The following DLGAP2 variants were observed in gnomAD, a reference collection of about 807,000 sequenced individuals.
The protein encoded by DLGAP2 is disks large-associated protein 2.
DLGAP2 carries 26 observed loss-of-function variants against 100.3 expected under a neutral mutation model. The observed-to-expected ratio is 0.26, with a 90% CI of 0.19 to 0.36. DLGAP2 has a LOEUF of 0.36. Among genes scored for constraint, DLGAP2 ranks in the 10% least tolerant of loss-of-function variants. The pLI is 1.00. For synonymous variants in DLGAP2, 886 were observed against 630.1 expected (o/e 1.41, Z -6.08); for missense variants, 1,858 against 1,453.2 (o/e 1.28, Z -4.53).
chr8:1,344,107 CCATGTATTCGGGGCCCTGTCG>C (rs1801486224), intron 3 of DLGAP2, among the ~76,000 whole-genome samples: 6 of 149,516 alleles, frequency 4.0e-5, no homozygotes, highest in Non-Finnish European at 5.9e-5. Flanking sequence ...TGTCGTGGGT[CCATGTATTCGGGGCCCTGTCG>C]TGGGTCCGTG....
At chr8:988,929 C>T (rs1235752137) in intron 2 of DLGAP2, among the ~76,000 whole-genome samples, 1 of 152,206 alleles carries the variant, frequency 6.6e-6, no homozygotes, top group African/African-American at 2.4e-5. Flanking sequence ...GCAGGTGCCT[C>T]TCCACATGCT....
At chr8:1,129,242 A>G (rs998073306) in intron 2 of DLGAP2, among the ~76,000 whole-genome samples, 3 of 151,994 alleles carry the variant, frequency 2.0e-5, no homozygotes, top group African/African-American at 7.3e-5. Flanking sequence ...CGTCTCTAGT[A>G]AATATAAAAA....
intron 3 of DLGAP2, among the ~76,000 whole-genome samples, chr8:1,310,995 C>T (rs1388332370): frequency 1.3e-5 from 2 of 151,602 alleles, no homozygotes; most frequent in African/African-American, 4.8e-5. Flanking sequence ...AAACTGAAGT[C>T]AGTTGATTGA....
At chr8:1,113,971 T>G (rs763425777) in intron 2 of DLGAP2, among the ~76,000 whole-genome samples, 7 of 152,190 alleles carry the variant, frequency 4.6e-5, no homozygotes, top group Non-Finnish European at 5.9e-5. Context: ...GTTTTTGTCT[T>G]TAGTTCTGTT....
At chr8:1,137,518 G>A (rs1459797263) in intron 2 of DLGAP2, 1 of 152,210 alleles carries the variant, frequency 6.6e-6, no homozygotes, top group African/African-American at 2.4e-5. Flanking sequence ...TCTATGCATT[G>A]GAGCGAAAAT....
chr8:1,312,121 C>G (rs1013339227), intron 3 of DLGAP2, among the ~76,000 whole-genome samples: 2 of 152,214 alleles, frequency 1.3e-5, no homozygotes, highest in African/African-American at 4.8e-5. Flanking sequence ...CAAGCTCGCA[C>G]AGAACATTCG....
intron 3 of DLGAP2, among the ~76,000 whole-genome samples, chr8:1,426,678 A>G (rs1233812474): frequency 6.6e-6 from 1 of 152,216 alleles, no homozygotes; most frequent in Non-Finnish European, 1.5e-5. Context: ...ATAGGAATCT[A>G]CAAAGGAGCA....
At chr8:908,580 A>G (rs1175332036) in intron 2 of DLGAP2, among the ~76,000 whole-genome samples, 2 of 152,112 alleles carry the variant, frequency 1.3e-5, no homozygotes, top group African/African-American at 2.4e-5. Flanking sequence ...AAGAAGGTCT[A>G]AAAAAAACTT....
chr8:1,700,361 T>C (rs1041009211), intron 14 of DLGAP2, among the ~76,000 whole-genome samples: 1 of 151,888 alleles, frequency 6.6e-6, no homozygotes, highest in African/African-American at 2.4e-5. Flanking sequence ...GTCCCTGTCA[T>C]GGCTCTGTCC....
chr8:1,295,488 ACT>A (rs907387317), intron 3 of DLGAP2, among the ~76,000 whole-genome samples: 1 of 152,000 alleles, frequency 6.6e-6, no homozygotes, highest in Non-Finnish European at 1.5e-5. Context: ...CGGGAAGCAC[ACT>A]CTCTGTCCAC....
intron 5 of DLGAP2, among the ~76,000 whole-genome samples, chr8:1,553,553 G>T (rs912589973): frequency 4.9e-5 from 7 of 143,094 alleles, no homozygotes; most frequent in Admixed American, 3.6e-4. Context: ...TTCACGTGTT[G>T]GAAGCAAATG....
chr8:1,159,889 C>T (rs1179578948), intron 2 of DLGAP2, among the ~76,000 whole-genome samples: 1 of 152,184 alleles, frequency 6.6e-6, no homozygotes, highest in African/African-American at 2.4e-5. Flanking sequence ...CTGAAGGAGG[C>T]ATGGACACCA....
chr8:1,241,714 G>A (rs1274609050), intron 2 of DLGAP2, among the ~76,000 whole-genome samples: 1 of 149,688 alleles, frequency 6.7e-6, no homozygotes, highest in African/African-American at 2.5e-5. Context: ...GTGTAATTTA[G>A]ATTTTAACCA....
chr8:1,683,903 CATATATGTGTATATATATATGTGTGT>C (rs1563061211), intron 12 of DLGAP2, among the ~76,000 whole-genome samples: 3 of 78,414 alleles, frequency 3.8e-5, no homozygotes, highest in African/African-American at 1.6e-4. Flanking sequence ...TGTGTATACA[CATATATGTGTATATATATATGTGTGT>C]ATATATGTGT....
At chr8:1,012,629 C>A (rs1801327460) in intron 2 of DLGAP2, among the ~76,000 whole-genome samples, 1 of 120,128 alleles carries the variant, frequency 8.3e-6, no homozygotes, top group Admixed American at 9.1e-5. Context: ...ACTTCAGCGG[C>A]AGTGTGGACA....
At chr8:1,389,937 G>C (rs1261696810) in intron 3 of DLGAP2, among the ~76,000 whole-genome samples, 1 of 151,984 alleles carries the variant, frequency 6.6e-6, no homozygotes. Flanking sequence ...GGAGCACCCA[G>C]CTCCGGCACA....
At chr8:802,054 A>ATGGTC (rs1563039158) in intron 1 of DLGAP2, among the ~76,000 whole-genome samples, 14 of 134,794 alleles carry the variant, frequency 1.0e-4, no homozygotes, top group Admixed American at 2.9e-4. Flanking sequence ...GGCCTGGGGA[A>ATGGTC]CAGTCTGCAC....
chr8:760,851 C>G (rs1182915629), intron 1 of DLGAP2, among the ~76,000 whole-genome samples: 3 of 152,160 alleles, frequency 2.0e-5, no homozygotes, highest in East Asian at 1.9e-4. Context: ...GGGGTTTGCT[C>G]TTCTCCTCAG....
At chr8:1,536,353 A>G (rs1196576227) in intron 4 of DLGAP2, among the ~76,000 whole-genome samples, 1 of 152,146 alleles carries the variant, frequency 6.6e-6, no homozygotes, top group Non-Finnish European at 1.5e-5. Flanking sequence ...CGACCATGAA[A>G]ACTGCCTCTC....
Sources: allele counts gnomAD v4.1 joint callset (sites outside exome capture counted in the v4.1 genomes callset), GRCh38; gene constraint gnomAD v4.1.1; transcripts MANE v1.5; gene names NCBI Gene and HGNC (gene_info 2026-07-23, HGNC 2026-07-21).